ALK: variants seen among roughly 807,000 people sequenced by gnomAD.
The protein encoded by ALK is ALK receptor tyrosine kinase.
Under a neutral mutation model 163.1 loss-of-function variants are expected in ALK, and 74 were observed. The observed-to-expected ratio is 0.45, with a 90% CI of 0.38 to 0.55. The LOEUF is 0.55. Among genes scored for constraint, ALK ranks in the 20% least tolerant of loss-of-function variants. ALK has a pLI of 0.00. For synonymous variants in ALK, 960 were observed against 843.2 expected, an observed-to-expected ratio of 1.14 and a Z score of -2.40; for missense variants, 2,063 against 2,105.3, an observed-to-expected ratio of 0.98 and a Z score of 0.39.
chr2:29,662,200 C>A (rs551563492), intron 3 of ALK, among the ~76,000 whole-genome samples: 3 of 152,258 alleles, frequency 2.0e-5, no homozygotes, highest in East Asian at 1.9e-4. Flanking sequence ...GCATGAGCCA[C>A]CACGCCCGGC....
At chr2:29,638,573 A>C (rs1676613076) in intron 3 of ALK, among the ~76,000 whole-genome samples, 1 of 152,120 alleles carries the variant, frequency 6.6e-6, no homozygotes, top group Non-Finnish European at 1.5e-5. Context: ...ATGTACACCA[A>C]GGATGTGGCT....
At chr2:29,855,694 T>C (rs1413704449) in intron 1 of ALK, among the ~76,000 whole-genome samples, 1 of 152,232 alleles carries the variant, frequency 6.6e-6, no homozygotes, top group African/African-American at 2.4e-5. Context: ...GTTCTTGTGT[T>C]AGAGCCACAA....
At chr2:29,591,312 C>T (rs1481957713) in intron 3 of ALK, among the ~76,000 whole-genome samples, 5 of 152,030 alleles carry the variant, frequency 3.3e-5, no homozygotes, top group Admixed American at 3.3e-4. Context: ...CCTTTTAGTC[C>T]CTGGAAAGAA....
chr2:29,322,852 C>T (rs1302148432), intron 6 of ALK, among the ~76,000 whole-genome samples: 2 of 152,138 alleles, frequency 1.3e-5, no homozygotes, highest in Non-Finnish European at 2.9e-5. Flanking sequence ...CAAGCAAAAA[C>T]AAACAAACAA....
At chr2:29,892,803 G>A (rs1332192676) in intron 1 of ALK, among the ~76,000 whole-genome samples, 1 of 152,170 alleles carries the variant, frequency 6.6e-6, no homozygotes, top group Non-Finnish European at 1.5e-5. Flanking sequence ...CTTCCCAACT[G>A]TGTATAATAC....
rs112603201 is a variant in ALK, at chr2:29,624,019, T to C, written c.952+70831A>G. ...TGAAACTGTATTTCTGCTCATGTAT[T>C]TATTTCCTTTGTAATGTGTAACATA... is the stretch of plus-strand genomic sequence containing the variant. On this transcript the variant is annotated intron_variant, in intron 3 of 28. Transcript: ENST00000389048. Among the ~76,000 whole-genome samples the C allele has an allele frequency of 6.7e-3, 986 of 146,074 alleles. 10 individuals carry two copies. The highest frequency in any genetic ancestry group is 0.023 in the African/African-American group (906 of 40,228).
At chr2:29,497,813 A>G (rs1173416110) in intron 4 of ALK, among the ~76,000 whole-genome samples, 1 of 152,164 alleles carries the variant, frequency 6.6e-6, no homozygotes, top group Non-Finnish European at 1.5e-5. Flanking sequence ...GTCCCTGGTC[A>G]CCTTCTTCAT....
At chr2:29,496,252 A>G (rs1672019736) in intron 4 of ALK, among the ~76,000 whole-genome samples, 1 of 152,264 alleles carries the variant, frequency 6.6e-6, no homozygotes, top group Admixed American at 6.5e-5. Flanking sequence ...TGTTTATTAC[A>G]TCAGATCCAA....
intron 11 of ALK, among the ~76,000 whole-genome samples, chr2:29,262,355 T>TG (rs1248693682): frequency 6.6e-6 from 1 of 152,216 alleles, no homozygotes; most frequent in Admixed American, 6.5e-5. Flanking sequence ...GGTACACACA[T>TG]GTGTGTGCTT....
intron 4 of ALK, among the ~76,000 whole-genome samples, chr2:29,504,871 C>T (rs911121740): frequency 6.6e-6 from 1 of 152,118 alleles, no homozygotes; most frequent in African/African-American, 2.4e-5. Context: ...ACCACAATTA[C>T]CTTTGCACCA....
chr2:29,694,216 C>A (rs1363216266), intron 3 of ALK, among the ~76,000 whole-genome samples: 2 of 152,170 alleles, frequency 1.3e-5, no homozygotes, highest in Non-Finnish European at 1.5e-5. Context: ...CTGAGCCTAC[C>A]TTTCCTAGGC....
intron 5 of ALK, among the ~76,000 whole-genome samples, chr2:29,363,686 A>C (rs1478804196): frequency 1.3e-5 from 2 of 152,208 alleles, no homozygotes; most frequent in Non-Finnish European, 2.9e-5. Flanking sequence ...TCAGTGATGG[A>C]CACATTTTAA....
chr2:29,462,049 T>C (rs1307090371), intron 4 of ALK, among the ~76,000 whole-genome samples: 2 of 152,092 alleles, frequency 1.3e-5, no homozygotes, highest in Non-Finnish European at 2.9e-5. Flanking sequence ...GCAGGTGTGG[T>C]AGAAACAGCC....
At chr2:29,864,913 G>T (rs143549853) in intron 1 of ALK, among the ~76,000 whole-genome samples, 2 of 152,254 alleles carry the variant, frequency 1.3e-5, no homozygotes, top group East Asian at 1.9e-4. Flanking sequence ...GATGACAAAC[G>T]CCTCCCACCC....
intron 26 of ALK, among the ~76,000 whole-genome samples, chr2:29,206,573 A>G (rs545367309): frequency 4.6e-5 from 7 of 152,098 alleles, no homozygotes; most frequent in African/African-American, 1.7e-4. Flanking sequence ...TGCCTGGCCT[A>G]CACCCCTACT....
chr2:29,757,082 C>T (rs1680558175), intron 1 of ALK, among the ~76,000 whole-genome samples: 1 of 152,180 alleles, frequency 6.6e-6, no homozygotes, highest in African/African-American at 2.4e-5. Flanking sequence ...TGCATTGAGG[C>T]AGTGAGCTCT....
intron 3 of ALK, among the ~76,000 whole-genome samples, chr2:29,562,160 G>C (rs1046818195): frequency 6.6e-6 from 1 of 152,190 alleles, no homozygotes; most frequent in African/African-American, 2.4e-5. Context: ...GGTGGGTGCC[G>C]TCTGTGGCTT....
intron 5 of ALK, among the ~76,000 whole-genome samples, chr2:29,350,460 T>C (rs914334137): frequency 2.0e-5 from 3 of 152,152 alleles, no homozygotes; most frequent in African/African-American, 7.2e-5. Flanking sequence ...ATCCTTCCAT[T>C]GACCTGAGCA....
At chr2:29,624,323 A>C (rs1203098172) in intron 3 of ALK, among the ~76,000 whole-genome samples, 2 of 152,208 alleles carry the variant, frequency 1.3e-5, no homozygotes, top group Admixed American at 6.5e-5. Flanking sequence ...TTATAAAAGC[A>C]AAACTGACCG....
Sources: gnomAD v4.1 joint callset for allele counts (sites outside exome capture counted in the v4.1 genomes callset) on GRCh38, gnomAD v4.1.1 for gene constraint, MANE v1.5 for transcripts, NCBI Gene and HGNC (gene_info 2026-07-23, HGNC 2026-07-21) for gene names.